The following CFAP20DC variants were observed in gnomAD, a reference collection of about 807,000 sequenced individuals.
The protein encoded by CFAP20DC is CFAP20 domain containing.
CFAP20DC carries 84 observed loss-of-function variants against 101.7 expected under a neutral mutation model. The observed-to-expected ratio is 0.83, with a 90% CI of 0.69 to 0.99. The LOEUF is 0.99. Ranked by LOEUF, CFAP20DC falls within the 50% of genes least tolerant of loss-of-function variation. The pLI, the probability that CFAP20DC is intolerant of heterozygous loss-of-function variation, is 0.00. For missense variants in CFAP20DC, 1,007 were observed against 970.3 expected (o/e 1.04, Z -0.50); for synonymous variants, 359 against 351.2 (o/e 1.02, Z -0.25).
chr3:58,837,396 G>A (rs1350189059), intron 13 of CFAP20DC, among the ~76,000 whole-genome samples: 2 of 152,182 alleles, frequency 1.3e-5, no homozygotes, highest in Non-Finnish European at 1.5e-5. Flanking sequence ...AGTGAGAGAA[G>A]CCAGACACAG....
chr3:58,975,690 T>C (rs1312772097), intron 4 of CFAP20DC, among the ~76,000 whole-genome samples: 2 of 152,220 alleles, frequency 1.3e-5, no homozygotes, highest in Admixed American at 1.3e-4. Flanking sequence ...AAAAGCAAGG[T>C]TATGCTCATT....
intron 7 of CFAP20DC, among the ~76,000 whole-genome samples, chr3:58,876,481 G>A (rs2080764599): frequency 6.6e-6 from 1 of 151,958 alleles, no homozygotes. Flanking sequence ...ATAATATAAG[G>A]TTAAAAATCA....
chr3:58,801,432 A>G (rs1201685658), intron 15 of CFAP20DC, among the ~76,000 whole-genome samples: 1 of 152,218 alleles, frequency 6.6e-6, no homozygotes, highest in African/African-American at 2.4e-5. Flanking sequence ...TCTTGGTTTG[A>G]AGGAGGACTA....
At chr3:58,901,585 T>A (rs2083151299) in intron 6 of CFAP20DC, among the ~76,000 whole-genome samples, 2 of 152,364 alleles carry the variant, frequency 1.3e-5, no homozygotes, top group South Asian at 4.1e-4. Flanking sequence ...CGTAAGTGTT[T>A]ATGTAAATTA....
chr3:58,902,123 T>C (rs563430912), intron 6 of CFAP20DC, among the ~76,000 whole-genome samples: 8 of 152,362 alleles, frequency 5.3e-5, no homozygotes, highest in African/African-American at 1.7e-4. Flanking sequence ...TGCCATTCCA[T>C]TGCAATACAT....
intron 15 of CFAP20DC, among the ~76,000 whole-genome samples, chr3:58,790,958 A>G (rs1220523345): frequency 1.3e-5 from 2 of 152,170 alleles, no homozygotes; most frequent in Non-Finnish European, 2.9e-5. Flanking sequence ...GGTTCTACTT[A>G]TTGTTCTGGA....
intron 15 of CFAP20DC, among the ~76,000 whole-genome samples, chr3:58,771,838 T>A (rs2070877236): frequency 6.6e-6 from 1 of 152,214 alleles, no homozygotes; most frequent in South Asian, 2.1e-4. Flanking sequence ...CCTGTTGTCT[T>A]GTCACATCTC....
chr3:58,980,742 G>C (rs575060424), intron 4 of CFAP20DC, among the ~76,000 whole-genome samples: 15 of 152,198 alleles, frequency 9.9e-5, no homozygotes, highest in African/African-American at 1.9e-4. Context: ...AACCCACAGC[G>C]AATATCATAC....
At position 58,788,127 on chromosome 3, in the gene CFAP20DC, GA is replaced by G. The variant is rs996185737; in HGVS notation, c.2237+18267del. Among the ~76,000 whole-genome samples, 4 of 149,170 alleles carry G rather than the reference GA, an allele frequency of 2.7e-5. No individual in the cohort carries two copies. Among genetic ancestry groups the G allele is most frequent in the African/African-American group, 9.9e-5 (4 of 40,394 alleles). ...CTGCATGTTCTGCACATTTGTCCCA[GA>G]ACTTAAAGTACAATTTAAAAAAAAA... On this transcript the variant is annotated intron_variant, in intron 15 of 16. Transcript: ENST00000482387. This position sits in a 1 kb window ranked among gnomAD's most constrained non-coding sequence, Gnocchi z 4.2.
intron 4 of CFAP20DC, among the ~76,000 whole-genome samples, chr3:58,989,066 T>C (rs1171853299): frequency 1.3e-5 from 2 of 152,088 alleles, no homozygotes; most frequent in African/African-American, 4.8e-5. Context: ...CTGGCAGAAA[T>C]AATGAAAAAT....
chr3:58,952,838 A>T (rs2090269898), intron 4 of CFAP20DC, among the ~76,000 whole-genome samples: 1 of 152,132 alleles, frequency 6.6e-6, no homozygotes. Context: ...ATATTTGCTA[A>T]GTGGCCTTTT....
chr3:58,759,963 T>G (rs2069382441), intron 15 of CFAP20DC, among the ~76,000 whole-genome samples: 1 of 152,212 alleles, frequency 6.6e-6, no homozygotes, highest in Non-Finnish European at 1.5e-5. Context: ...TGAAGTCAGG[T>G]AGCATGATGC....
intron 15 of CFAP20DC, among the ~76,000 whole-genome samples, chr3:58,771,355 AAACCTGCATATTCTGCACATGT>A (rs2070825220): frequency 6.6e-6 from 1 of 152,160 alleles, no homozygotes; most frequent in South Asian, 2.1e-4. Flanking sequence ...CCTATGTAAC[AAACCTGCATATTCTGCACATGT>A]AACCCAGAAC....
chr3:58,732,872 T>G lies in CFAP20DC; in HGVS notation c.198-15244A>C, dbSNP rs966959272. 3.3e-5 allele frequency among the ~76,000 whole-genome samples: 5 copies of G among 152,220 alleles called. No individual in the cohort carries two copies. Among genetic ancestry groups the G allele is most frequent in the African/African-American group, 1.2e-4 (5 of 41,448 alleles). On this transcript the variant is annotated intron_variant, in intron 3 of 3. Coordinates refer to the CFAP20DC transcript ENST00000486145. This position sits in a 1 kb window ranked among gnomAD's most constrained non-coding sequence, Gnocchi z 5.4. ...CTTGTGATTAAGCTCAGGATAGACATTTGGAGAGAACCATTTGTAGGGGAT... is the reference window on the plus strand; with the variant it reads ...CTTGTGATTAAGCTCAGGATAGACAGTTGGAGAGAACCATTTGTAGGGGAT...
chr3:58,766,982 C>T (rs1371993247), intron 15 of CFAP20DC, among the ~76,000 whole-genome samples: 9 of 152,330 alleles, frequency 5.9e-5, no homozygotes, highest in East Asian at 5.8e-4. Flanking sequence ...GTGATCTTCT[C>T]GTTAAGAGCT....
At chr3:59,000,878 C>T (rs1300175049) in intron 4 of CFAP20DC, among the ~76,000 whole-genome samples, 1 of 152,060 alleles carries the variant, frequency 6.6e-6, no homozygotes, top group African/African-American at 2.4e-5. Context: ...AAAAATATCA[C>T]AGTTTGGAAC....
chr3:58,754,761 G>A (rs750966685), intron 15 of CFAP20DC, among the ~76,000 whole-genome samples: 3 of 152,126 alleles, frequency 2.0e-5, no homozygotes, highest in Non-Finnish European at 2.9e-5. Flanking sequence ...AAGAGCACTG[G>A]CTCTGCAGGC....
downstream of CFAP20DC, among the ~76,000 whole-genome samples, chr3:58,716,177 C>CG (rs2067396045): frequency 1.1e-5 from 1 of 89,418 alleles, no homozygotes. Context: ...TTTTTTGAGA[C>CG]GGAGTCTCGC....
At chr3:58,759,848 T>C (rs2069367639) in intron 15 of CFAP20DC, among the ~76,000 whole-genome samples, 1 of 152,218 alleles carries the variant, frequency 6.6e-6, no homozygotes, top group Non-Finnish European at 1.5e-5. Flanking sequence ...TGGTTGTAGA[T>C]ATGCGGCATT....
Sources: allele counts gnomAD v4.1 joint callset (sites outside exome capture counted in the v4.1 genomes callset), GRCh38; gene constraint gnomAD v4.1.1; non-coding constraint Gnocchi (gnomAD v3.1); transcripts MANE v1.5; gene names NCBI Gene and HGNC (gene_info 2026-07-23, HGNC 2026-07-21).